The following RABGAP1L variants were observed in gnomAD, a reference collection of about 807,000 sequenced individuals.
The protein encoded by RABGAP1L is rab GTPase-activating protein 1-like.
RABGAP1L carries 63 observed loss-of-function variants against 137.7 expected under a neutral mutation model. The observed-to-expected ratio is 0.46, with a 90% CI of 0.37 to 0.56. The LOEUF (loss-of-function observed/expected upper bound fraction) is 0.56, where lower values mean the gene tolerates loss of function less well. Ranked by LOEUF, RABGAP1L falls within the 20% of genes least tolerant of loss-of-function variation. The pLI is 0.00. For missense variants in RABGAP1L, 1,095 were observed against 1,244.0 expected, an observed-to-expected ratio of 0.88 and a Z score of 1.80; for synonymous variants, 431 against 433.7, an observed-to-expected ratio of 0.99 and a Z score of 0.08.
At chr1:174,434,454 T>G (rs901582658) in intron 13 of RABGAP1L, among the ~76,000 whole-genome samples, 41 of 152,208 alleles carry the variant, frequency 2.7e-4, no homozygotes, top group Admixed American at 2.4e-3. Flanking sequence ...TGCAAGTCTT[T>G]TGTGGACAAT....
intron 7 of RABGAP1L, among the ~76,000 whole-genome samples, chr1:174,257,019 A>G (rs1673192551): frequency 6.6e-6 from 1 of 152,260 alleles, no homozygotes; most frequent in South Asian, 2.1e-4. Context: ...TGTTATTGAT[A>G]TAGATTCCTA....
Position 174,654,650 on chromosome 1 carries a change from C to G in RABGAP1L, c.1824+17162C>G, listed in dbSNP as rs1487988418. 4.6e-5 allele frequency among the ~76,000 whole-genome samples: 7 copies of G among 151,990 alleles called. No individual in the cohort carries two copies. In the South Asian group the frequency reaches 1.4e-3, roughly 31 times the overall value. On this transcript the variant is annotated intron_variant, in intron 14 of 25. Transcript: ENST00000681986. Reference sequence around the variant, plus strand: ...ATTTTTTTAAAAAAAATATGGTGTTCTAGTTGTTTTACATTTCTGTGTCTT... The same window carrying G: ...ATTTTTTTAAAAAAAATATGGTGTTGTAGTTGTTTTACATTTCTGTGTCTT...
At chr1:174,550,331 A>G (rs1388786388) in intron 13 of RABGAP1L, among the ~76,000 whole-genome samples, 1 of 152,222 alleles carries the variant, frequency 6.6e-6, no homozygotes, top group Non-Finnish European at 1.5e-5. Context: ...ACCAGTAATT[A>G]GAAATCACTT....
At chr1:174,957,401 A>G in intron 19 of RABGAP1L, 56 bp from the exon 20 acceptor site, 1 of 1,421,036 alleles carries the variant, frequency 7.0e-7, no homozygotes, top group East Asian at 2.3e-5. Flanking sequence ...ACACACCTGA[A>G]TTTTTTTTCA....
At chr1:174,961,626 CTT>C (rs1318168810) in intron 20 of RABGAP1L, among the ~76,000 whole-genome samples, 1 of 151,710 alleles carries the variant, frequency 6.6e-6, no homozygotes, top group Admixed American at 6.6e-5. Context: ...GGGTGGATCA[CTT>C]GAGGTCAGGA....
At chr1:174,618,277 C>T (rs947862446) in intron 13 of RABGAP1L, among the ~76,000 whole-genome samples, 2 of 152,220 alleles carry the variant, frequency 1.3e-5, no homozygotes, top group African/African-American at 4.8e-5. Flanking sequence ...CCCTGTCTGA[C>T]CGCTTTGAAG....
In RABGAP1L at chr1:174,634,890, G is replaced by C. The variant is rs1387516996; in HGVS notation, c.1711-2485G>C. On this transcript the variant is annotated intron_variant, in intron 13 of 25. Transcript: ENST00000681986. ...ACACTCTGGGGACTGTGGTGGGGTG[G>C]GGGGAGGGGGGAGGGATAGCATTGG... Among the ~76,000 whole-genome samples, 3 of 119,316 alleles carry C rather than the reference G, an allele frequency of 2.5e-5. No homozygotes were observed. In the Admixed American group the frequency reaches 2.7e-4, roughly 11 times the overall value. The allele number at this position is 119,316 out of a possible 152,430, so 78.3% of individuals were successfully genotyped here.
chr1:174,812,310 G>T (rs542414149), intron 19 of RABGAP1L, among the ~76,000 whole-genome samples: 1 of 152,152 alleles, frequency 6.6e-6, no homozygotes, highest in African/African-American at 2.4e-5. Flanking sequence ...AGCAAGAAAA[G>T]CTTGCTTAGG....
At chr1:174,571,932 A>C (rs1011404891) in intron 13 of RABGAP1L, among the ~76,000 whole-genome samples, 13 of 152,226 alleles carry the variant, frequency 8.5e-5, no homozygotes, top group African/African-American at 2.9e-4. Flanking sequence ...ACTCAAGTTT[A>C]AGTTATCCTA....
chr1:174,649,427 C>G (rs1375074644), intron 14 of RABGAP1L, among the ~76,000 whole-genome samples: 1 of 152,058 alleles, frequency 6.6e-6, no homozygotes, highest in East Asian at 1.9e-4. Context: ...GATGGCTTGT[C>G]TGTAAAGGAT....
At chr1:174,466,984 G>A (rs1377163825) in intron 13 of RABGAP1L, among the ~76,000 whole-genome samples, 3 of 152,136 alleles carry the variant, frequency 2.0e-5, no homozygotes, top group Non-Finnish European at 4.4e-5. Context: ...CCCTCACAAT[G>A]TCTGGCATAT....
chr1:174,389,075 C>A (rs907336205), intron 12 of RABGAP1L, among the ~76,000 whole-genome samples: 5 of 151,928 alleles, frequency 3.3e-5, no homozygotes, highest in Non-Finnish European at 7.4e-5. Context: ...CATGGCTATT[C>A]ATTACTTATC....
At chr1:174,362,254 G>A (rs929311074) in intron 11 of RABGAP1L, among the ~76,000 whole-genome samples, 1 of 152,204 alleles carries the variant, frequency 6.6e-6, no homozygotes, top group East Asian at 1.9e-4. Flanking sequence ...CCGTGTGCAT[G>A]TGTCTTTATA....
At chr1:174,870,392 G>A (rs1273589326) in intron 19 of RABGAP1L, among the ~76,000 whole-genome samples, 1 of 152,130 alleles carries the variant, frequency 6.6e-6, no homozygotes, top group Non-Finnish European at 1.5e-5. Flanking sequence ...TTACATGACA[G>A]ACATAGCTTT....
chr1:174,360,039 T>G (rs1169602970), intron 11 of RABGAP1L, among the ~76,000 whole-genome samples: 2 of 152,242 alleles, frequency 1.3e-5, no homozygotes, highest in Non-Finnish European at 2.9e-5. Flanking sequence ...TACTTCAAAT[T>G]GTGCTTATTA....
chr1:174,401,625 C>T (rs767504510), intron 13 of RABGAP1L, among the ~76,000 whole-genome samples: 3 of 152,070 alleles, frequency 2.0e-5, no homozygotes, highest in Non-Finnish European at 2.9e-5. Context: ...TCTACTTGTA[C>T]CGCTAATTCA....
intron 1 of RABGAP1L, among the ~76,000 whole-genome samples, chr1:174,217,808 G>A (rs1304261816): frequency 6.6e-6 from 1 of 152,066 alleles, no homozygotes; most frequent in African/African-American, 2.4e-5. Flanking sequence ...TTTTTATAAA[G>A]TTGGAAAGTA....
At chr1:174,432,196 G>A (rs1652718681) in intron 13 of RABGAP1L, among the ~76,000 whole-genome samples, 1 of 152,106 alleles carries the variant, frequency 6.6e-6, no homozygotes, top group South Asian at 2.1e-4. Context: ...CTACTTACAA[G>A]TGAGAACATG....
At chr1:174,727,912 T>C (rs1246795058) in intron 17 of RABGAP1L, among the ~76,000 whole-genome samples, 1 of 152,250 alleles carries the variant, frequency 6.6e-6, no homozygotes, top group African/African-American at 2.4e-5. Context: ...CAGAACTGTA[T>C]TTCTTTGTAG....
Sources: gnomAD v4.1 joint callset for allele counts (sites outside exome capture counted in the v4.1 genomes callset) on GRCh38, gnomAD v4.1.1 for gene constraint, MANE v1.5 for transcripts, NCBI Gene and HGNC (gene_info 2026-07-23, HGNC 2026-07-21) for gene names.